Variants in ACOXL observed in about 807,000 individuals in gnomAD.
ACOXL encodes acyl-coenzyme A oxidase-like protein.
In ACOXL, 70 loss-of-function variants were observed where a neutral mutation model predicts 71.9. That is an observed-to-expected ratio of 0.97 (90% CI 0.80 to 1.19). The LOEUF (loss-of-function observed/expected upper bound fraction) is 1.19. Ranked by LOEUF, ACOXL falls within the 50% of genes most tolerant of loss-of-function variation. The pLI, the probability that ACOXL is intolerant of heterozygous loss-of-function variation, is 0.00. For synonymous variants in ACOXL, 253 were observed against 281.6 expected (o/e 0.90, Z 1.02); for missense variants, 703 against 736.3 (o/e 0.95, Z 0.52).
intron 17 of ACOXL, among the ~76,000 whole-genome samples, chr2:111,096,765 T>G (rs4848385): frequency 0.023 from 3,503 of 152,322 alleles, 103 homozygotes; most frequent in South Asian, 0.15. Flanking sequence ...AAGATGTACA[T>G]GAAGTCCTAA....
intron 17 of ACOXL, among the ~76,000 whole-genome samples, chr2:111,095,391 CTT>C (rs780172456): frequency 9.2e-4 from 107 of 116,564 alleles, no homozygotes; most frequent in African/African-American, 2.9e-3. Context: ...TTTTCTTTTT[CTT>C]TTTTTTTTTT....
chr2:110,876,061 C>G (rs959405222), intron 10 of ACOXL, among the ~76,000 whole-genome samples: 1 of 152,208 alleles, frequency 6.6e-6, no homozygotes, highest in Admixed American at 6.5e-5. Context: ...ATCATCATAT[C>G]TAGCTTCTTT....
At chr2:111,065,294 C>A (rs999295407) in intron 16 of ACOXL, among the ~76,000 whole-genome samples, 1 of 152,060 alleles carries the variant, frequency 6.6e-6, no homozygotes. Context: ...ACTTGAACAT[C>A]CATAGGCAAA....
intron 11 of ACOXL, among the ~76,000 whole-genome samples, chr2:110,923,914 T>G (rs1404122772): frequency 1.3e-5 from 2 of 149,680 alleles, no homozygotes; most frequent in Non-Finnish European, 3.0e-5. Flanking sequence ...CTAGCCTGGG[T>G]GATAAGAGCG....
chr2:111,011,378 C>CTT (rs1212259724), intron 14 of ACOXL, among the ~76,000 whole-genome samples: 1 of 152,144 alleles, frequency 6.6e-6, no homozygotes, highest in Non-Finnish European at 1.5e-5. Flanking sequence ...GTATGACAGA[C>CTT]TTATACCCAA....
intron 10 of ACOXL, among the ~76,000 whole-genome samples, chr2:110,877,590 C>T (rs1429094768): frequency 6.6e-6 from 1 of 152,186 alleles, no homozygotes; most frequent in Admixed American, 6.5e-5. Context: ...CTCACAAACC[C>T]ACAGGATTTC....
chr2:110,812,440 C>G (rs1309529044), intron 9 of ACOXL, among the ~76,000 whole-genome samples: 8 of 152,136 alleles, frequency 5.3e-5, no homozygotes, highest in African/African-American at 1.9e-4. Context: ...CCAATAGTTA[C>G]CTTTTCTGCT....
chr2:110,747,863 T>C (rs1260233650), intron 1 of ACOXL, among the ~76,000 whole-genome samples: 1 of 152,194 alleles, frequency 6.6e-6, no homozygotes, highest in Non-Finnish European at 1.5e-5. Context: ...TCCAGCCCTT[T>C]CTACCTTACC....
chr2:110,998,450 C>T (rs778911146), intron 14 of ACOXL, among the ~76,000 whole-genome samples: 1 of 152,190 alleles, frequency 6.6e-6, no homozygotes, highest in Non-Finnish European at 1.5e-5. Flanking sequence ...CAGTGCGGCT[C>T]CTTTAAGTGA....
intron 2 of ACOXL, among the ~76,000 whole-genome samples, chr2:110,773,385 G>A (rs767539617): frequency 7.2e-5 from 11 of 152,140 alleles, no homozygotes; most frequent in South Asian, 4.1e-4. Context: ...CCTGGGAAGC[G>A]TTTACATTTA....
intron 7 of ACOXL, 92 bp from the exon 8 acceptor site, chr2:110,801,560 A>G: frequency 1.8e-6 from 2 of 1,102,516 alleles, no homozygotes; most frequent in Non-Finnish European, 2.7e-6. Flanking sequence ...AAGTAAAATA[A>G]GGGGCTTTGT....
intron 13 of ACOXL, among the ~76,000 whole-genome samples, chr2:110,989,556 T>G (rs2063083638): frequency 6.6e-6 from 1 of 152,198 alleles, no homozygotes; most frequent in Admixed American, 6.5e-5. Context: ...ATGACATACC[T>G]AGAGTAGTCA....
intron 14 of ACOXL, among the ~76,000 whole-genome samples, chr2:111,016,299 G>C (rs1482462121): frequency 6.6e-6 from 1 of 152,074 alleles, no homozygotes; most frequent in Non-Finnish European, 1.5e-5. Flanking sequence ...CTGCCTGGTG[G>C]GGGAGTTCAG....
intron 2 of ACOXL, among the ~76,000 whole-genome samples, chr2:110,769,599 C>T (rs1299598306): frequency 6.6e-6 from 1 of 151,758 alleles, no homozygotes; most frequent in East Asian, 1.9e-4. Context: ...CCAGCCTGGC[C>T]TCAACATGGC....
In ACOXL at chr2:110,933,605, G is replaced by A. The variant is rs553463881; in HGVS notation, c.1022G>A (p.Arg341His). 26 of 1,613,296 alleles carry A rather than the reference G, an allele frequency of 1.6e-5. No individual in the cohort carries two copies. In the African/African-American group the frequency reaches 2.0e-4, roughly 12 times the overall value. The change falls in exon 12 of 18, where the codon CGC becomes CAC. Residue 341 changes from arginine (R) to histidine (H), a missense_variant. Coordinates refer to ENST00000439055, the MANE Select transcript of ACOXL (RefSeq NM_001142807.4). ...GCCTACAGCACCTGGGAGAACATCC[G>A]CTGCCTGCAGGACTGCCGCGAGTGC... ...LKAYSTWENIRCLQDCRECTG... is the reference protein window; with the variant it reads ...LKAYSTWENIHCLQDCRECTG...
intron 10 of ACOXL, among the ~76,000 whole-genome samples, chr2:110,875,638 A>G (rs80234484): frequency 9.9e-4 from 150 of 152,180 alleles, no homozygotes; most frequent in African/African-American, 3.3e-3. Context: ...CCTCGATCCT[A>G]TCATTCCAAA....
In ACOXL at chr2:110,805,293, C is replaced by T; in HGVS notation, c.651C>T (p.Tyr217=). 1 of 1,614,218 alleles carries T rather than the reference C, an allele frequency of 6.2e-7. No homozygotes were observed. Among genetic ancestry groups the T allele is most frequent in the Non-Finnish European group, 8.5e-7 (1 of 1,180,044 alleles). ...GTTCCGTGGCTCCAGATGGACAGTA[C>T]CATTCGCCTATTAGGAACAAGAGTG... ...KFGSVAPDGQ[Y]HSPIRNKSAR... Residue 217 remains tyrosine (Y), a synonymous_variant, in exon 9 of 18, where the codon TAC becomes TAT. Transcript: ENST00000439055.
chr2:110,903,100 G>GC (rs1013028768), intron 10 of ACOXL, among the ~76,000 whole-genome samples: 125 of 152,354 alleles, frequency 8.2e-4, no homozygotes, highest in African/African-American at 2.9e-3. Flanking sequence ...GTGAGGCTTA[G>GC]CCCCAAAGCT....
chr2:110,816,160 CATGGATGGACGG>C (rs1687888989), intron 9 of ACOXL, among the ~76,000 whole-genome samples: 1 of 147,424 alleles, frequency 6.8e-6, no homozygotes, highest in South Asian at 2.2e-4. Context: ...TAAATGGATG[CATGGATGGACGG>C]ATGGATGGAT....
Sources: allele counts gnomAD v4.1 joint callset (sites outside exome capture counted in the v4.1 genomes callset), GRCh38; gene constraint gnomAD v4.1.1; transcripts MANE v1.5; gene names NCBI Gene and HGNC (gene_info 2026-07-23, HGNC 2026-07-21).